Variants in PCDHGB1 observed in about 807,000 individuals in gnomAD.
PCDHGB1 encodes protocadherin gamma-B1.
A neutral mutation model predicts 56.6 loss-of-function variants in PCDHGB1; 34 were observed. The ratio of observed to expected loss-of-function variants is 0.60; its 90% CI spans 0.46 to 0.80. The LOEUF is 0.80. PCDHGB1 is among the 30% of genes least tolerant of loss of function. PCDHGB1 has a pLI of 0.00. For synonymous variants in PCDHGB1, 561 were observed against 505.9 expected (o/e 1.11, Z -1.46); for missense variants, 1,278 against 1,204.6 (o/e 1.06, Z -0.90).
At chr5:141,357,850 C>T (rs904874915) in intron 1 of PCDHGB1, 3 of 608,650 alleles carry the variant, frequency 4.9e-6, no homozygotes, top group Admixed American at 3.4e-5. Flanking sequence ...TAGTTTCAGC[C>T]AGAATTTTCT....
chr5:141,464,583 C>T (rs768431243), intron 1 of PCDHGB1, among the ~76,000 whole-genome samples: 6 of 152,024 alleles, frequency 3.9e-5, no homozygotes, highest in Admixed American at 2.0e-4. Context: ...TGAGAATGTC[C>T]ATTGTCCCAT....
Position 141,431,428 on chromosome 5 carries a change from A to G in PCDHGB1, c.2410-63379A>G. The stretch of plus-strand genomic sequence containing the variant: ...CCGACGGGGGCGACCCGGTGCGCAC[A>G]GGCACCGCGCGCATCCGCGTGATGG... On this transcript the variant is annotated intron_variant, in intron 1 of 3. Transcript: ENST00000523390. This position sits in a 1 kb window ranked among gnomAD's most constrained non-coding sequence, Gnocchi z 4.8. The G allele has an allele frequency of 6.2e-7, 1 of 1,613,664 alleles. No individual in the cohort carries two copies. Among genetic ancestry groups the G allele is most frequent in the Non-Finnish European group, 8.5e-7 (1 of 1,179,998 alleles).
chr5:141,392,879 G>C, intron 1 of PCDHGB1: 1 of 1,613,512 alleles, frequency 6.2e-7, no homozygotes, highest in Non-Finnish European at 8.5e-7. Context: ...TGCTGGGAAC[G>C]CTGTGGGAAA....
At position 141,486,427 on chromosome 5, in the gene PCDHGB1, A is replaced by T. The variant is rs775958317; in HGVS notation, c.2410-8380A>T. ...CTGGACCCTTGGATCGAGAGGCCAAATCTAGCTATGACATCATGGTCACTG... is the reference window on the plus strand; with the variant it reads ...CTGGACCCTTGGATCGAGAGGCCAATTCTAGCTATGACATCATGGTCACTG... On this transcript the variant is annotated intron_variant, in intron 1 of 3. Transcript: ENST00000523390. The surrounding 1 kb of genome is among the most constrained non-coding windows in gnomAD (Gnocchi z 5.0). 17 of 1,614,042 alleles carry T rather than the reference A, an allele frequency of 1.1e-5. No homozygotes were observed. The Admixed American group carries it at 2.8e-4, about 27-fold the overall frequency.
intron 1 of PCDHGB1, among the ~76,000 whole-genome samples, chr5:141,469,951 T>C (rs1467717372): frequency 6.6e-6 from 1 of 152,034 alleles, no homozygotes; most frequent in African/African-American, 2.4e-5. Flanking sequence ...GCCAGCATGG[T>C]GAAACCCCAT....
chr5:141,455,753 G>T (rs2098830630), intron 1 of PCDHGB1, among the ~76,000 whole-genome samples: 1 of 152,074 alleles, frequency 6.6e-6, no homozygotes, highest in Non-Finnish European at 1.5e-5. Flanking sequence ...TGCTGGCCTG[G>T]CTCCTAGAGC....
At chr5:141,502,866 C>CTTTTTTTT (rs549047197) in intron 2 of PCDHGB1, among the ~76,000 whole-genome samples, 38,988 of 127,080 alleles carry the variant, frequency 0.31, 7,978 homozygotes, top group African/African-American at 0.51. Flanking sequence ...GACTCTCTGT[C>CTTTTTTTT]TTTTTTTTTT....
Position 141,476,878 on chromosome 5 carries a change from G to A in PCDHGB1, c.2410-17929G>A. 2 of 1,613,960 alleles carry A rather than the reference G, an allele frequency of 1.2e-6. No homozygotes were observed. The highest frequency in any genetic ancestry group is 1.7e-6 in the Non-Finnish European group (2 of 1,180,034). Reference sequence around the variant, plus strand: ...AGTCCTTGTACCGGGCGCGCGTCCTGGAGGATGCACCCTCCGGCACGCGCG... The same window carrying A: ...AGTCCTTGTACCGGGCGCGCGTCCTAGAGGATGCACCCTCCGGCACGCGCG... On this transcript the variant is annotated intron_variant, in intron 1 of 3. Transcript: ENST00000523390. This position sits in a 1 kb window ranked among gnomAD's most constrained non-coding sequence, Gnocchi z 7.6.
chr5:141,489,610 C>G lies in PCDHGB1; in HGVS notation c.2410-5197C>G, dbSNP rs142775705. 3,083 of 1,614,088 alleles carry G rather than the reference C, an allele frequency of 1.9e-3. 6 individuals are homozygous for G. Among genetic ancestry groups the G allele is most frequent in the Non-Finnish European group, 2.4e-3 (2,793 of 1,179,988 alleles). ...GCTAATCCGTGTAGAGGTAGAGATC[C>G]TGGATCTCAATGACAACTCTCCTAG... On this transcript the variant is annotated intron_variant, in intron 1 of 3. Transcript: ENST00000523390. The surrounding 1 kb of genome is among the most constrained non-coding windows in gnomAD (Gnocchi z 4.5).
intron 1 of PCDHGB1, chr5:141,366,272 G>T (rs749693337): frequency 1.9e-6 from 3 of 1,613,726 alleles, no homozygotes; most frequent in South Asian, 1.1e-5. Context: ...GGCCGTCGAA[G>T]ACCATGGCCA....
chr5:141,435,519 T>C (rs2097768121), intron 1 of PCDHGB1, among the ~76,000 whole-genome samples: 2 of 152,192 alleles, frequency 1.3e-5, no homozygotes, highest in South Asian at 4.1e-4. Context: ...ATGATGACTT[T>C]GTGGAATATT....
intron 1 of PCDHGB1, chr5:141,355,334 T>C (rs1759804410): frequency 6.2e-7 from 1 of 1,613,854 alleles, no homozygotes; most frequent in Non-Finnish European, 8.5e-7. Flanking sequence ...GGCTCAGTGG[T>C]GGGCAACATC....
chr5:141,399,833 C>T (rs1233031581), intron 1 of PCDHGB1: 1 of 1,613,140 alleles, frequency 6.2e-7, no homozygotes, highest in Non-Finnish European at 8.5e-7. Context: ...GACGGCTCTG[C>T]GCTCTTCGAT....
chr5:141,415,423 G>T (rs2154545734), intron 1 of PCDHGB1: 1 of 1,614,204 alleles, frequency 6.2e-7, no homozygotes, highest in Non-Finnish European at 8.5e-7. Context: ...CGTGGACGGG[G>T]TTCGGGCTTT....
rs1761787404 is a variant in PCDHGB1 at position 141,360,887 on chromosome 5, T to C, written c.2409+8218T>C. The C allele has an allele frequency of 2.5e-6, 4 of 1,613,900 alleles. No individual in the cohort carries two copies. The South Asian group carries it at 4.4e-5, about 18-fold the overall frequency. ...AGCCAGGACGTGTACAGGGTCACCC[T>C]GAGGGAGGACGTGCCGCCGGGCTTC... On this transcript the variant is annotated intron_variant, in intron 1 of 3. Transcript: ENST00000523390.
rs573785314 is a variant in PCDHGB1 at position 141,435,382 on chromosome 5, C to T, written c.2410-59425C>T. 2.0e-5 allele frequency among the ~76,000 whole-genome samples: 3 copies of T among 152,034 alleles called. No homozygotes were observed. In the East Asian group the frequency reaches 5.8e-4, roughly 29 times the overall value. ...TTTATCACTTAAATATACAATATAC[C>T]GTATTGCCATGACGAAAAATGGTAA... On this transcript the variant is annotated intron_variant, in intron 1 of 3. Transcript: ENST00000523390.
At chr5:141,374,365 G>T (rs1180030505) in intron 1 of PCDHGB1, 2 of 1,614,054 alleles carry the variant, frequency 1.2e-6, no homozygotes, top group South Asian at 1.1e-5. Flanking sequence ...ACCGCGAGGA[G>T]CTCTGTGCTC....
chr5:141,430,613 A>T, intron 1 of PCDHGB1: 1 of 679,628 alleles, frequency 1.5e-6, no homozygotes, highest in Admixed American at 3.0e-5. Context: ...CACAAAGCAG[A>T]TAGCTAGGAA....
intron 1 of PCDHGB1, among the ~76,000 whole-genome samples, chr5:141,445,920 A>C (rs1343777309): frequency 6.6e-6 from 1 of 152,212 alleles, no homozygotes; most frequent in African/African-American, 2.4e-5. Context: ...GGCAGTGACA[A>C]GATATTTGAA....
Sources: allele counts gnomAD v4.1 joint callset (sites outside exome capture counted in the v4.1 genomes callset), GRCh38; gene constraint gnomAD v4.1.1; non-coding constraint Gnocchi (gnomAD v3.1); transcripts MANE v1.5; gene names NCBI Gene and HGNC (gene_info 2026-07-23, HGNC 2026-07-21).